The following ZNF362 variants were observed in gnomAD, a reference collection of about 807,000 sequenced individuals.
The protein encoded by ZNF362 is zinc finger protein 362.
A neutral mutation model predicts 42.9 loss-of-function variants in ZNF362; 11 were observed. That is an observed-to-expected ratio of 0.26 (90% CI 0.16 to 0.42). The LOEUF is 0.42. Ranked by LOEUF, ZNF362 falls within the 20% of genes least tolerant of loss-of-function variation. The pLI, the probability that ZNF362 is intolerant of heterozygous loss-of-function variation, is 1.00. For synonymous variants in ZNF362, 255 were observed against 257.3 expected (o/e 0.99, Z 0.09); for missense variants, 362 against 576.2 (o/e 0.63, Z 3.81).
chr1:33,280,604 G>A lies in ZNF362; in HGVS notation c.683+147G>A. 7.1e-7 allele frequency: 1 copy of A among 1,401,628 alleles called. No individual in the cohort carries two copies. 86.8% of individuals were successfully genotyped at this position (1,401,628 alleles called of 1,614,324 possible). ...GTCCAGAGGGGCGGGGCCTTCTGGA[G>A]AGCCCCACCCACATCCCAAGTCCCA... is the stretch of plus-strand genomic sequence containing the variant. On this transcript the variant is annotated intron_variant, in intron 5 of 8. Transcript: ENST00000539719. This position sits in a 1 kb window ranked among gnomAD's most constrained non-coding sequence, Gnocchi z 5.6.
Position 33,270,949 on chromosome 1 carries a change from TG to T in ZNF362, c.38+342del, listed in dbSNP as rs199537107. The stretch of plus-strand genomic sequence containing the variant: ...GCAGTGGGCCTCCTGGGCTCCACTG[TG>T]GGGGTCACCTTGCATGCTTCCTTGG... On this transcript the variant is annotated intron_variant, in intron 2 of 8. Transcript: ENST00000539719. Among the ~76,000 whole-genome samples the T allele has an allele frequency of 5.0e-3, 763 of 152,248 alleles. 9 individuals are homozygous for T. The highest frequency in any genetic ancestry group is 0.018 in the South Asian group (86 of 4,826).
the ZNF362 span, among the ~76,000 whole-genome samples, chr1:33,144,109 T>C: frequency 6.6e-6 from 1 of 150,674 alleles, no homozygotes; most frequent in Admixed American, 6.7e-5. Flanking sequence ...CAAACGTTGA[T>C]ATATGATTCC....
At chr1:33,194,940 G>T in the ZNF362 span, 1 of 151,854 alleles carries the variant, frequency 6.6e-6, no homozygotes, top group Non-Finnish European at 1.5e-5. Flanking sequence ...TACAAGCAAA[G>T]AAAAATGAGC....
the ZNF362 span, among the ~76,000 whole-genome samples, chr1:33,169,676 T>A: frequency 6.6e-6 from 1 of 152,236 alleles, no homozygotes; most frequent in South Asian, 2.1e-4. Context: ...ACGTGTGCTG[T>A]TCAATACGAC....
At chr1:33,189,887 G>C in the ZNF362 span, among the ~76,000 whole-genome samples, 1 of 151,558 alleles carries the variant, frequency 6.6e-6, no homozygotes, top group African/African-American at 2.4e-5. Context: ...AGTCACAGGA[G>C]GGTGTGAAGA....
chr1:33,173,777 T>G, the ZNF362 span, among the ~76,000 whole-genome samples: 1 of 151,858 alleles, frequency 6.6e-6, no homozygotes, highest in East Asian at 1.9e-4. Context: ...TAGCTCACTA[T>G]AGCCTCAAAC....
At chr1:33,138,626 C>CAACAACA in the ZNF362 span, among the ~76,000 whole-genome samples, 36 of 66,106 alleles carry the variant, frequency 5.4e-4, no homozygotes, top group African/African-American at 1.6e-3. Context: ...ACAACAACAA[C>CAACAACA]AAAAAAAAAA....
At chr1:33,132,962 G>A in the ZNF362 span, among the ~76,000 whole-genome samples, 35 of 152,252 alleles carry the variant, frequency 2.3e-4, no homozygotes, top group African/African-American at 8.2e-4. Context: ...AGGGCTGCAA[G>A]CCCTGGATAA....
chr1:33,258,839 T>G (rs1468553425), intron 1 of ZNF362, among the ~76,000 whole-genome samples: 1 of 152,210 alleles, frequency 6.6e-6, no homozygotes, highest in Non-Finnish European at 1.5e-5. Context: ...GGTTAAATTG[T>G]CCTAATGGGG....
the ZNF362 span, chr1:33,145,836 G>A: frequency 2.1e-6 from 1 of 470,700 alleles, no homozygotes; most frequent in Non-Finnish European, 4.4e-6. Flanking sequence ...GGTGGGGCTT[G>A]CTCCACCCAC....
the ZNF362 span, chr1:33,159,754 A>C: frequency 1.2e-6 from 2 of 1,613,426 alleles, no homozygotes; most frequent in Non-Finnish European, 1.7e-6. The surrounding 1 kb of genome is among the most constrained non-coding windows in gnomAD (Gnocchi z 4.2). Flanking sequence ...CCGCTCCTGC[A>C]GGATCTGGGC....
At chr1:33,186,371 G>C in the ZNF362 span, among the ~76,000 whole-genome samples, 32 of 152,200 alleles carry the variant, frequency 2.1e-4, no homozygotes, top group African/African-American at 7.7e-4. Flanking sequence ...CAAGAAGGCT[G>C]TGATGTGCCT....
At chr1:33,181,063 G>A in the ZNF362 span, 1 of 1,599,134 alleles carries the variant, frequency 6.3e-7, no homozygotes, top group Admixed American at 1.7e-5. The surrounding 1 kb of genome is among the most constrained non-coding windows in gnomAD (Gnocchi z 6.5). Flanking sequence ...CCGGTGACCT[G>A]ATGCTGCTCG....
the ZNF362 span, among the ~76,000 whole-genome samples, chr1:33,235,834 A>G: frequency 6.6e-6 from 1 of 152,188 alleles, no homozygotes; most frequent in Non-Finnish European, 1.5e-5. Context: ...GCCTGACTAG[A>G]GTTTGGTCAA....
At chr1:33,175,940 A>G in the ZNF362 span, among the ~76,000 whole-genome samples, 10 of 152,160 alleles carry the variant, frequency 6.6e-5, no homozygotes, top group African/African-American at 2.2e-4. Flanking sequence ...GGGGTCCCCA[A>G]TGTTGGCCCT....
chr1:33,139,841 C>T, the ZNF362 span, among the ~76,000 whole-genome samples: 454 of 152,192 alleles, frequency 3.0e-3, no homozygotes, highest in Non-Finnish European at 5.1e-3. Context: ...TGTAGAGCTG[C>T]CATATGGTGT....
chr1:33,167,966 C>A, the ZNF362 span, among the ~76,000 whole-genome samples: 2 of 152,160 alleles, frequency 1.3e-5, no homozygotes, highest in Non-Finnish European at 2.9e-5. This position sits in a 1 kb window ranked among gnomAD's most constrained non-coding sequence, Gnocchi z 4.2. Context: ...AGTCCCTGAT[C>A]ATAGGGACTA....
At chr1:33,137,732 C>T in the ZNF362 span, among the ~76,000 whole-genome samples, 1 of 152,202 alleles carries the variant, frequency 6.6e-6, no homozygotes, top group African/African-American at 2.4e-5. Context: ...AGTGGCTCAG[C>T]ACCCTCCTTG....
chr1:33,275,417 C>G, intron 2 of ZNF362: 20 of 981,326 alleles, frequency 2.0e-5, no homozygotes, highest in Non-Finnish European at 2.4e-5. Context: ...CCCTCCATAA[C>G]CACAGCATTC....
Sources: gnomAD v4.1 joint callset for allele counts (sites outside exome capture counted in the v4.1 genomes callset) on GRCh38, gnomAD v4.1.1 for gene constraint, Gnocchi (gnomAD v3.1) non-coding constraint, MANE v1.5 for transcripts, NCBI Gene and HGNC (gene_info 2026-07-23, HGNC 2026-07-21) for gene names.